The following HDAC11 variants were observed in gnomAD, a reference collection of about 807,000 sequenced individuals.
The protein encoded by HDAC11 is histone deacetylase 11.
Under a neutral mutation model 41.1 loss-of-function variants are expected in HDAC11, and 23 were observed. That is an observed-to-expected ratio of 0.56 (90% CI 0.40 to 0.79). The LOEUF (loss-of-function observed/expected upper bound fraction) is 0.79, where lower values mean the gene tolerates loss of function less well. Ranked by LOEUF, HDAC11 falls within the 30% of genes least tolerant of loss-of-function variation. HDAC11 has a pLI of 0.00. For synonymous variants in HDAC11, 187 were observed against 186.6 expected, an observed-to-expected ratio of 1.00 and a Z score of -0.02; for missense variants, 402 against 477.3, an observed-to-expected ratio of 0.84 and a Z score of 1.47.
chr3:13,487,123 G>C (rs1701632896), intron 3 of HDAC11, among the ~76,000 whole-genome samples: 1 of 152,170 alleles, frequency 6.6e-6, no homozygotes, highest in African/African-American at 2.4e-5. Context: ...TTTTCAGCAG[G>C]AGGGTGATAT....
intron 4 of HDAC11, 24 bp from the exon 5 acceptor site, chr3:13,498,489 C>T (rs1213984279): frequency 6.2e-7 from 1 of 1,613,882 alleles, no homozygotes; most frequent in Non-Finnish European, 8.5e-7. Flanking sequence ...CCTGCGCCCC[C>T]TCACCCTCTG....
chr3:13,495,769 A>T (rs564602128), intron 3 of HDAC11, among the ~76,000 whole-genome samples: 1 of 152,270 alleles, frequency 6.6e-6, no homozygotes, highest in East Asian at 1.9e-4. Flanking sequence ...CTGCCCACAG[A>T]TACCTTTTTC....
At chr3:13,504,030 A>G in intron 8 of HDAC11, 64 bp from the exon 9 acceptor site, 1 of 1,481,832 alleles carries the variant, frequency 6.7e-7, no homozygotes, top group Non-Finnish European at 9.3e-7. Context: ...TGGTGTCCAC[A>G]GTCTTGTCCT....
intron 4 of HDAC11, among the ~76,000 whole-genome samples, chr3:13,497,210 G>A (rs1030421088): frequency 2.7e-5 from 4 of 149,504 alleles, no homozygotes; most frequent in East Asian, 1.9e-4. Context: ...GTAGAGTCTC[G>A]TTCTGTCGCC....
At chr3:13,481,069 A>C in intron 1 of HDAC11, 177 bp from the exon 2 acceptor site, 1 of 639,136 alleles carries the variant, frequency 1.6e-6, no homozygotes, top group Non-Finnish European at 2.7e-6. Context: ...CTGGATTGGA[A>C]TTGGGTTCCG....
intron 3 of HDAC11, among the ~76,000 whole-genome samples, chr3:13,486,568 G>GGT (rs1491210722): frequency 7.8e-6 from 1 of 128,578 alleles, no homozygotes; most frequent in Non-Finnish European, 1.5e-5. Context: ...CTCATGTAGA[G>GGT]GTGTTTTTTT....
chr3:13,499,201 C>T (rs1425290685), intron 5 of HDAC11, among the ~76,000 whole-genome samples: 1 of 152,168 alleles, frequency 6.6e-6, no homozygotes, highest in East Asian at 1.9e-4. Flanking sequence ...CGTAGTTTCA[C>T]TCTTGTTGCC....
At position 13,489,359 on chromosome 3, in the gene HDAC11, T is replaced by C. The variant is rs560701443; in HGVS notation, c.252+5795T>C. On this transcript the variant is annotated intron_variant, in intron 3 of 9. Transcript: ENST00000295757. ...CTAAGAGTTTTATAGTTTTCACTTATATTTAGGCCTTGATAAATTTTGAGT... is the reference window on the plus strand; with the variant it reads ...CTAAGAGTTTTATAGTTTTCACTTACATTTAGGCCTTGATAAATTTTGAGT... Among the ~76,000 whole-genome samples the C allele has an allele frequency of 7.0e-4, 107 of 151,974 alleles. 2 individuals carry two copies. The South Asian group carries it at 0.021, about 29-fold the overall frequency.
At chr3:13,497,018 C>T (rs965381675) in intron 4 of HDAC11, among the ~76,000 whole-genome samples, 166 bp downstream of exon 4, 1 of 152,124 alleles carries the variant, frequency 6.6e-6, no homozygotes, top group African/African-American at 2.4e-5. Context: ...GCCTTTTTTC[C>T]CCATCTTGGG....
In HDAC11 at chr3:13,502,532, CCCGAACTCCTGAG is replaced by C. The variant is rs1169317445; in HGVS notation, c.553-349_553-337del. On this transcript the variant is annotated intron_variant, in intron 7 of 9. Coordinates refer to ENST00000295757, the MANE Select transcript of HDAC11 (RefSeq NM_024827.4). The surrounding 1 kb of genome is among the most constrained non-coding windows in gnomAD (Gnocchi z 4.1). ...GGGCCCTGCCTTGGGTTCTTGCGAC[CCCGAACTCCTGAG>C]CCAGGTCACATGTGGACAGTCCTTT... 27 of 220,884 alleles carry C rather than the reference CCCGAACTCCTGAG, an allele frequency of 1.2e-4. No individual in the cohort carries two copies. Among genetic ancestry groups the C allele is most frequent in the Non-Finnish European group, 5.4e-5 (6 of 110,584 alleles). 13.7% of individuals were successfully genotyped at this position (220,884 alleles called of 1,614,324 possible).
intron 5 of HDAC11, 110 bp downstream of exon 5, chr3:13,498,665 G>A: frequency 1.6e-6 from 2 of 1,226,766 alleles, no homozygotes; most frequent in Non-Finnish European, 2.3e-6. Flanking sequence ...TGTGAATTCA[G>A]AAGCTCTGGT....
At position 13,483,472 on chromosome 3, in the gene HDAC11, C is replaced by A. The variant is rs1701415045; in HGVS notation, c.160C>A (p.Leu54Ile). The change falls in exon 3 of 10, where the codon CTT (leucine) becomes ATT (isoleucine). Residue 54 changes from leucine (L) to isoleucine (I), a missense_variant. By Grantham distance (5) the Leu-to-Ile change is conservative (BLOSUM62 2). Coordinates refer to ENST00000295757, the MANE Select transcript of HDAC11 (RefSeq NM_024827.4). Reference protein sequence around the residue: ...KVINFLKEEKLLSDSMLVEAR... With the variant: ...KVINFLKEEKILSDSMLVEAR... ...TCCCTCTGTGGTTTCAGAAGAGAAG[C>A]TTCTGTCTGACAGCATGCTGGTGGA... The A allele has an allele frequency of 6.2e-7, 1 of 1,613,952 alleles. No individual in the cohort carries two copies. The highest frequency in any genetic ancestry group is 8.5e-7 in the Non-Finnish European group (1 of 1,179,850).
At position 13,494,615 on chromosome 3, in the gene HDAC11, G is replaced by A. The variant is rs189230140; in HGVS notation, c.253-2121G>A. Among the ~76,000 whole-genome samples, 18 of 152,304 alleles carry A rather than the reference G, an allele frequency of 1.2e-4. No homozygotes were observed. The East Asian group carries it at 3.3e-3, about 28-fold the overall frequency. ...CTCCATGTTACCGCCAGAGGGCCTG[G>A]GCTTGTGGAAGTGGTGCCCCGTGGG... is the stretch of plus-strand genomic sequence containing the variant. On this transcript the variant is annotated intron_variant, in intron 3 of 9. Transcript: ENST00000295757.
Position 13,484,289 on chromosome 3 carries a change from A to G in HDAC11, c.252+725A>G, listed in dbSNP as rs114329667. On this transcript the variant is annotated intron_variant, in intron 3 of 9. Coordinates refer to ENST00000295757, the MANE Select transcript of HDAC11 (RefSeq NM_024827.4). The stretch of plus-strand genomic sequence containing the variant: ...TATTTTTTATATTGGGCTGAAGTTT[A>G]AGACTCTGGTCTAAGTACTTCTGCT... Among the ~76,000 whole-genome samples the G allele has an allele frequency of 6.0e-3, 921 of 152,300 alleles. 12 individuals carry two copies. The highest frequency in any genetic ancestry group is 0.021 in the African/African-American group (864 of 41,556).
intron 5 of HDAC11, among the ~76,000 whole-genome samples, chr3:13,499,106 T>C (rs1702237662): frequency 6.6e-6 from 1 of 152,222 alleles, no homozygotes; most frequent in Non-Finnish European, 1.5e-5. Flanking sequence ...GTCTCCCTTG[T>C]CCCTGTCATT....
Position 13,506,322 on chromosome 3 carries a change from A to G in HDAC11, c.*1639A>G, listed in dbSNP as rs1229117192. Reference sequence around the variant, plus strand: ...TGTGTGCTGGAGGCAAAGAATCCCTACCTCCTAGGGGTGAAAGGAAATGAA... The same window carrying G: ...TGTGTGCTGGAGGCAAAGAATCCCTGCCTCCTAGGGGTGAAAGGAAATGAA... On this transcript the variant is annotated 3_prime_UTR_variant, in exon 10 of 10. Coordinates refer to ENST00000295757, the MANE Select transcript of HDAC11 (RefSeq NM_024827.4). 2.6e-5 allele frequency: 4 copies of G among 152,036 alleles called. No individual in the cohort carries two copies. The highest frequency in any genetic ancestry group is 9.7e-5 in the African/African-American group (4 of 41,378). 9.4% of individuals were successfully genotyped at this position (152,036 alleles called of 1,614,324 possible). A position where few individuals can be genotyped will look rare whatever the true frequency, so the allele number is the denominator to read the frequency against.
chr3:13,482,015 T>G (rs1210497340), intron 2 of HDAC11, among the ~76,000 whole-genome samples: 1 of 152,190 alleles, frequency 6.6e-6, no homozygotes, highest in East Asian at 1.9e-4. Flanking sequence ...AAAGCCCACC[T>G]GTAGACCGAA....
At chr3:13,498,690 C>G in intron 5 of HDAC11, 135 bp downstream of exon 5, 1 of 978,400 alleles carries the variant, frequency 1.0e-6, no homozygotes, top group Non-Finnish European at 1.6e-6. Context: ...CCAAGTCACC[C>G]TAGCCTCCTT....
chr3:13,500,210 G>T (rs920232290), intron 5 of HDAC11, among the ~76,000 whole-genome samples: 1 of 152,072 alleles, frequency 6.6e-6, no homozygotes. Context: ...CAGGGGAGGG[G>T]GTATCTATGG....
Sources: allele counts gnomAD v4.1 joint callset (sites outside exome capture counted in the v4.1 genomes callset), GRCh38; gene constraint gnomAD v4.1.1; non-coding constraint Gnocchi (gnomAD v3.1); transcripts MANE v1.5; gene names NCBI Gene and HGNC (gene_info 2026-07-23, HGNC 2026-07-21).